Variants in PSG9 observed in about 807,000 individuals in gnomAD.
PSG9 encodes pregnancy specific beta-1-glycoprotein 9.
In PSG9, 49 loss-of-function variants were observed where a neutral mutation model predicts 41.9. That is an observed-to-expected ratio of 1.17 (90% CI 0.93 to 1.48). The LOEUF (loss-of-function observed/expected upper bound fraction) is 1.48, where lower values mean the gene tolerates loss of function less well. PSG9 is among the 40% of genes most tolerant of loss of function. The pLI, the probability that PSG9 is intolerant of heterozygous loss-of-function variation, is 0.00. For synonymous variants in PSG9, 263 were observed against 196.8 expected, an observed-to-expected ratio of 1.34 and a Z score of -2.82; for missense variants, 641 against 520.3, an observed-to-expected ratio of 1.23 and a Z score of -2.26.
chr19:43,264,575 G>A (rs550155321), intron 2 of PSG9, among the ~76,000 whole-genome samples: 1 of 151,900 alleles, frequency 6.6e-6, no homozygotes, highest in African/African-American at 2.4e-5. Flanking sequence ...CTCCTGCCTA[G>A]GCCTCCCAAG....
rs891177056 is a variant in PSG9, at chr19:43,254,939, A to C, written c.1244-1293T>G. 2.8e-5 allele frequency among the ~76,000 whole-genome samples: 4 copies of C among 144,124 alleles called. 1 individual carries two copies. The highest frequency in any genetic ancestry group is 1.1e-4 in the African/African-American group (4 of 37,394). 94.6% of individuals were successfully genotyped at this position (144,124 alleles called of 152,430 possible). ...GCTGTCTCTACAAAAAAATAAAAAA[A>C]AATTAGCTGGGCATGGTGACATGCA... On this transcript the variant is annotated intron_variant, in intron 5 of 5. Coordinates refer to ENST00000270077, the MANE Select transcript of PSG9 (RefSeq NM_002784.5).
At position 43,259,071 on chromosome 19, in the gene PSG9, T is replaced by A; in HGVS notation, c.774A>T (p.Leu258Phe). Residue 258 changes from leucine to phenylalanine, a missense_variant, in exon 4 of 6, where the codon TTA becomes TTT. By Grantham distance (22) the Leu-to-Phe change is conservative. Coordinates refer to ENST00000270077, the MANE Select transcript of PSG9 (RefSeq NM_002784.5). ...NLNPRENKDVLAFTCEPKSEN... is the reference protein window; with the variant it reads ...NLNPRENKDVFAFTCEPKSEN... ...CACTCTTAGGTTCACAGGTGAAGGCTAAGACATCCTTATTCTCCCTGGGGT... is the reference window on the plus strand; with the variant it reads ...CACTCTTAGGTTCACAGGTGAAGGCAAAGACATCCTTATTCTCCCTGGGGT... The A allele has an allele frequency of 2.5e-6, 4 of 1,590,684 alleles. No homozygotes were observed. The highest frequency in any genetic ancestry group is 3.4e-6 in the Non-Finnish European group (4 of 1,174,466).
chr19:43,267,402 CT>C (rs1969022266), intron 2 of PSG9, among the ~76,000 whole-genome samples: 1 of 152,056 alleles, frequency 6.6e-6, no homozygotes, highest in African/African-American at 2.4e-5. Flanking sequence ...GGGGTTGAGG[CT>C]TCTAGGGCTG....
chr19:43,268,757 T>G (rs1969106129), intron 1 of PSG9, among the ~76,000 whole-genome samples: 2 of 152,056 alleles, frequency 1.3e-5, no homozygotes, highest in Admixed American at 6.5e-5. Context: ...TTTCCCCCAA[T>G]TGTTGAGGTT....
chr19:43,263,557 G>A (rs558441725), intron 2 of PSG9, among the ~76,000 whole-genome samples: 8 of 150,018 alleles, frequency 5.3e-5, no homozygotes, highest in African/African-American at 1.7e-4. Flanking sequence ...GTTGTCAGGA[G>A]TTTAGACCTC....
chr19:43,262,205 G>T, intron 2 of PSG9, 67 bp from the exon 3 acceptor site: 6 of 1,564,218 alleles, frequency 3.8e-6, no homozygotes, highest in Non-Finnish European at 5.2e-6. Context: ...GCATTTTTCA[G>T]TCAGAGTTGG....
chr19:43,257,553 G>A lies in PSG9; in HGVS notation c.1243+649C>T, dbSNP rs374109484. The stretch of plus-strand genomic sequence containing the variant: ...GACGCAGCTCAGGAGTCTGCCCTGA[G>A]GCTCCCTCTCTTCTTATTTCCCTGC... On this transcript the variant is annotated intron_variant, in intron 5 of 5. Coordinates refer to ENST00000270077, the MANE Select transcript of PSG9 (RefSeq NM_002784.5). The A allele has an allele frequency of 2.0e-5, 20 of 981,570 alleles. 1 individual carries two copies. Among genetic ancestry groups the A allele is most frequent in the Non-Finnish European group, 4.8e-6 (4 of 830,854 alleles). The allele number at this position is 981,570 out of a possible 1,614,324, so 60.8% of individuals were successfully genotyped here. A position where few individuals can be genotyped will look rare whatever the true frequency, so the allele number is the denominator to read the frequency against.
chr19:43,263,287 A>T (rs1016083392), intron 2 of PSG9, among the ~76,000 whole-genome samples: 1 of 152,140 alleles, frequency 6.6e-6, no homozygotes, highest in African/African-American at 2.4e-5. Flanking sequence ...CCTATAGTTC[A>T]TACAGATAAA....
chr19:43,269,129 C>T (rs186145074), intron 1 of PSG9, among the ~76,000 whole-genome samples: 3 of 152,114 alleles, frequency 2.0e-5, no homozygotes, highest in African/African-American at 7.2e-5. Context: ...CTCAGCCTCC[C>T]GAGTAGCTAG....
intron 2 of PSG9, among the ~76,000 whole-genome samples, chr19:43,267,130 A>C (rs546705064): frequency 4.7e-4 from 71 of 152,206 alleles, no homozygotes; most frequent in African/African-American, 1.5e-3. Context: ...GGACTGTCCT[A>C]AGCCTCCCAA....
chr19:43,266,801 C>T (rs1211050806), intron 2 of PSG9, among the ~76,000 whole-genome samples: 1 of 152,096 alleles, frequency 6.6e-6, no homozygotes, highest in African/African-American at 2.4e-5. Context: ...GCAGACAGAC[C>T]TCATGTGACC....
chr19:43,266,027 T>G, intron 2 of PSG9, among the ~76,000 whole-genome samples: 3 of 149,388 alleles, frequency 2.0e-5, no homozygotes, highest in South Asian at 2.1e-4. Context: ...GGCCTAGGGG[T>G]GGGGGAAGAA....
chr19:43,265,192 A>G (rs62115906), intron 2 of PSG9, among the ~76,000 whole-genome samples: 7,236 of 152,174 alleles, frequency 0.048, 275 homozygotes, highest in Non-Finnish European at 0.068. Flanking sequence ...TTGCCCAGGG[A>G]CTGCTTTTGT....
At chr19:43,268,458 G>A (rs1199005210) in intron 1 of PSG9, among the ~76,000 whole-genome samples, 3 of 152,100 alleles carry the variant, frequency 2.0e-5, no homozygotes, top group Non-Finnish European at 4.4e-5. Context: ...ACTGCCCTCA[G>A]GTCCTGCTCA....
At chr19:43,267,613 T>A (rs966225983) in intron 2 of PSG9, among the ~76,000 whole-genome samples, 171 bp downstream of exon 2, 2 of 152,094 alleles carry the variant, frequency 1.3e-5, no homozygotes, top group African/African-American at 4.8e-5. Flanking sequence ...GGAATTCTGA[T>A]CTGTTGAAAT....
intron 5 of PSG9, among the ~76,000 whole-genome samples, chr19:43,256,782 A>G (rs1346106540): frequency 6.8e-6 from 1 of 146,918 alleles, no homozygotes; most frequent in African/African-American, 2.6e-5. Flanking sequence ...GCCACTGTAA[A>G]AAGTGGTGTG....
chr19:43,269,323 C>G, intron 1 of PSG9, 45 bp downstream of exon 1: 1 of 1,612,766 alleles, frequency 6.2e-7, no homozygotes, highest in Non-Finnish European at 8.5e-7. Context: ...CATCCAGTCA[C>G]TCCGCTTCCT....
chr19:43,255,119 A>G (rs1968401008), intron 5 of PSG9, among the ~76,000 whole-genome samples: 1 of 82,144 alleles, frequency 1.2e-5, no homozygotes, highest in African/African-American at 4.4e-5. Flanking sequence ...AAAAAAAAAA[A>G]AGAAAGAAAG....
intron 2 of PSG9, among the ~76,000 whole-genome samples, chr19:43,262,369 A>G (rs1968766499): frequency 6.6e-6 from 1 of 152,146 alleles, no homozygotes; most frequent in African/African-American, 2.4e-5. Context: ...TGAATTGAGC[A>G]GCAGCATTGG....
Sources: allele counts gnomAD v4.1 joint callset (sites outside exome capture counted in the v4.1 genomes callset), GRCh38; gene constraint gnomAD v4.1.1; transcripts MANE v1.5; gene names NCBI Gene and HGNC (gene_info 2026-07-23, HGNC 2026-07-21).